ARMC3: variants seen among roughly 807,000 people sequenced by gnomAD.
The protein encoded by ARMC3 is armadillo repeat-containing protein 3.
In ARMC3, 74 loss-of-function variants were observed where a neutral mutation model predicts 90.3. The ratio of observed to expected loss-of-function variants is 0.82; its 90% CI spans 0.68 to 0.99. The LOEUF (loss-of-function observed/expected upper bound fraction) is 0.99. Among genes scored for constraint, ARMC3 ranks in the 50% least tolerant of loss-of-function variants. ARMC3 has a pLI of 0.00. For missense variants in ARMC3, 958 were observed against 1,042.8 expected (o/e 0.92, Z 1.12); for synonymous variants, 334 against 361.8 (o/e 0.92, Z 0.87).
chr10:22,973,831 T>C (rs1835795098), intron 8 of ARMC3, among the ~76,000 whole-genome samples: 1 of 142,536 alleles, frequency 7.0e-6, no homozygotes, highest in South Asian at 2.3e-4. Context: ...CGATCTTGGC[T>C]CACTCCAAGC....
rs1469325164 is a variant in ARMC3, at chr10:23,006,917, G to A, written c.1765G>A (p.Glu589Lys). The A allele has an allele frequency of 1.9e-6, 3 of 1,614,000 alleles. No homozygotes were observed. The highest frequency in any genetic ancestry group is 1.3e-5 in the African/African-American group (1 of 75,024). Reference protein sequence around the residue: ...NPGTKLLPLKELCLQEPSDLR... With the variant: ...NPGTKLLPLKKLCLQEPSDLR... ...CGGCACCAAACTGTTGCCTTTGAAG[G>A]AGCTCTGCTTACAAGAACCAAGTGA... The change falls in exon 14 of 19, where the codon GAG becomes AAG. Residue 589 changes from glutamate (E) to lysine (K), a missense_variant. Physicochemically the swap from Glu to Lys is moderately conservative, Grantham distance 56. Coordinates refer to ENST00000298032, the MANE Select transcript of ARMC3 (RefSeq NM_173081.5).
chr10:22,971,359 T>C (rs1186791286), intron 8 of ARMC3, among the ~76,000 whole-genome samples: 1 of 152,116 alleles, frequency 6.6e-6, no homozygotes, highest in South Asian at 2.1e-4. Flanking sequence ...TATACAGATA[T>C]CTCTTTGAGT....
intron 8 of ARMC3, among the ~76,000 whole-genome samples, chr10:22,975,400 TA>T (rs1354807753): frequency 6.6e-6 from 1 of 151,984 alleles, no homozygotes; most frequent in African/African-American, 2.4e-5. Context: ...CCATCTCTAC[TA>T]AAAATACAAA....
intron 2 of ARMC3, among the ~76,000 whole-genome samples, chr10:22,935,335 A>G (rs1834069455): frequency 1.3e-5 from 2 of 152,176 alleles, no homozygotes; most frequent in Non-Finnish European, 2.9e-5. Flanking sequence ...ATTCTTTGTC[A>G]TAGACTGACA....
intron 8 of ARMC3, among the ~76,000 whole-genome samples, chr10:22,978,932 A>C (rs1836065718): frequency 6.6e-6 from 1 of 152,194 alleles, no homozygotes; most frequent in South Asian, 2.1e-4. Flanking sequence ...ACTCATAAAC[A>C]CACTTTCTTT....
intron 16 of ARMC3, among the ~76,000 whole-genome samples, chr10:23,013,207 C>G (rs943432171): frequency 2.6e-5 from 4 of 152,102 alleles, no homozygotes; most frequent in Non-Finnish European, 5.9e-5. Context: ...CCACTACACA[C>G]CTTTTTAAAT....
chr10:22,987,025 A>G (rs898918087), intron 10 of ARMC3, among the ~76,000 whole-genome samples: 8 of 152,214 alleles, frequency 5.3e-5, no homozygotes, highest in Non-Finnish European at 1.0e-4. Flanking sequence ...AGGAACAAAT[A>G]AAAATGGAAA....
intron 10 of ARMC3, among the ~76,000 whole-genome samples, chr10:22,982,627 T>G (rs929085427): frequency 6.6e-6 from 1 of 152,214 alleles, no homozygotes; most frequent in Non-Finnish European, 1.5e-5. Context: ...GACTCCAAAG[T>G]CTGTGTTCTT....
intron 13 of ARMC3, among the ~76,000 whole-genome samples, chr10:23,003,849 A>T (rs1837445229): frequency 6.6e-6 from 1 of 152,150 alleles, no homozygotes; most frequent in African/African-American, 2.4e-5. Flanking sequence ...GTCAAAAAAA[A>T]AAAGGTATAA....
chr10:23,016,202 T>A (rs1838263241), intron 16 of ARMC3, among the ~76,000 whole-genome samples: 1 of 152,254 alleles, frequency 6.6e-6, no homozygotes, highest in Admixed American at 6.5e-5. Flanking sequence ...CCTGGTATTG[T>A]GATTATTTTC....
rs150232793 is a variant in ARMC3, at chr10:23,002,836, A to G, written c.1563-410A>G. ...TGATCTGCCCGCCTCAGCCTCCCAA[A>G]GTGCTAGAATTACAGGCATAAGCCA... On this transcript the variant is annotated intron_variant, in intron 12 of 18. Transcript: ENST00000298032. 5.3e-3 allele frequency among the ~76,000 whole-genome samples: 812 copies of G among 152,200 alleles called. 7 individuals are homozygous for G. The highest frequency in any genetic ancestry group is 7.0e-3 in the South Asian group (34 of 4,826).
chr10:23,008,956 A>G (rs1355927439), intron 16 of ARMC3, 25 bp downstream of exon 16: 4 of 1,591,866 alleles, frequency 2.5e-6, no homozygotes, highest in African/African-American at 1.3e-5. Context: ...TGAGTTCCTC[A>G]TTACCCAGCC....
intron 12 of ARMC3, 87 bp from the exon 13 acceptor site, chr10:23,003,159 T>C: frequency 8.1e-7 from 1 of 1,236,294 alleles, no homozygotes; most frequent in African/African-American, 1.5e-5. Flanking sequence ...CCATTCTTCC[T>C]TCAGGATCTG....
intron 10 of ARMC3, among the ~76,000 whole-genome samples, chr10:22,990,971 C>CCCTCTCTGCTTCCTCTGCCTCCT (rs552842457): frequency 5.6e-4 from 85 of 152,098 alleles, no homozygotes; most frequent in African/African-American, 1.6e-3. Context: ...TCCCTTCTCC[C>CCCTCTCTGCTTCCTCTGCCTCCT]CCTCTCTGCT....
chr10:23,025,183 G>A (rs987618012), intron 16 of ARMC3, among the ~76,000 whole-genome samples: 1 of 152,010 alleles, frequency 6.6e-6, no homozygotes, highest in Non-Finnish European at 1.5e-5. Context: ...CCAACCCCCA[G>A]CAACTGGTAG....
chr10:22,966,458 C>G (rs559291710), intron 7 of ARMC3, among the ~76,000 whole-genome samples: 2 of 152,304 alleles, frequency 1.3e-5, no homozygotes, highest in East Asian at 3.9e-4. Context: ...GGGGTCTTCT[C>G]CACGCATGTA....
intron 11 of ARMC3, among the ~76,000 whole-genome samples, chr10:22,999,288 T>TGCAC (rs2131409577): frequency 6.6e-6 from 1 of 152,334 alleles, no homozygotes; most frequent in South Asian, 2.1e-4. Flanking sequence ...TGGCTCACAC[T>TGCAC]TGTTATCCCT....
intron 3 of ARMC3, among the ~76,000 whole-genome samples, chr10:22,952,742 A>C (rs1164903390): frequency 6.6e-6 from 1 of 152,256 alleles, no homozygotes. Flanking sequence ...TCTGCAAGTC[A>C]GTATGCCTTA....
chr10:23,032,893 C>A lies in ARMC3; in HGVS notation c.2279C>A (p.Pro760Gln). 1 of 1,612,290 alleles carries A rather than the reference C, an allele frequency of 6.2e-7. No homozygotes were observed. The highest frequency in any genetic ancestry group is 8.5e-7 in the Non-Finnish European group (1 of 1,179,246). The stretch of plus-strand genomic sequence containing the variant: ...GCAGAAAAAATGGGTGGTAAGATTC[C>A]AAAAGAGAAACTACCTGATTTCAGC... ...YVAEKMGGKI[P>Q]KEKLPDFSWE... The change falls in exon 18 of 19, where the codon CCA (proline) becomes CAA (glutamine). Residue 760 changes from proline to glutamine, a missense_variant. Coordinates refer to ENST00000298032, the MANE Select transcript of ARMC3 (RefSeq NM_173081.5).
Sources: allele counts gnomAD v4.1 joint callset (sites outside exome capture counted in the v4.1 genomes callset), GRCh38; gene constraint gnomAD v4.1.1; transcripts MANE v1.5; gene names NCBI Gene and HGNC (gene_info 2026-07-23, HGNC 2026-07-21).